Variants in SLC44A5 observed in about 807,000 individuals in gnomAD.
The protein encoded by SLC44A5 is solute carrier family 44 member 5, also known as choline transporter-like protein 5.
SLC44A5 carries 57 observed loss-of-function variants against 101.8 expected under a neutral mutation model. That is an observed-to-expected ratio of 0.56 (90% CI 0.45 to 0.70). The LOEUF is 0.70. Ranked by LOEUF, SLC44A5 falls within the 30% of genes least tolerant of loss-of-function variation. The pLI, the probability that SLC44A5 is intolerant of heterozygous loss-of-function variation, is 0.00. For synonymous variants in SLC44A5, 281 were observed against 290.9 expected (o/e 0.97, Z 0.35); for missense variants, 737 against 853.1 (o/e 0.86, Z 1.70).
At chr1:75,482,135 T>C (rs964363453) in intron 2 of SLC44A5, among the ~76,000 whole-genome samples, 6 of 151,914 alleles carry the variant, frequency 3.9e-5, no homozygotes, top group Non-Finnish European at 7.4e-5. Context: ...ATGGATGAAA[T>C]TGGAAATCAT....
intron 2 of SLC44A5, among the ~76,000 whole-genome samples, chr1:75,426,841 T>C (rs931442773): frequency 5.9e-5 from 9 of 152,192 alleles, no homozygotes; most frequent in Non-Finnish European, 1.2e-4. Flanking sequence ...GCGGCACTGA[T>C]AGCAGCAGCG....
the SLC44A5 span, among the ~76,000 whole-genome samples, chr1:75,672,840 A>G: frequency 6.6e-6 from 1 of 152,136 alleles, no homozygotes; most frequent in African/African-American, 2.4e-5. Context: ...ACATTCATAG[A>G]CATGCCCTGG....
intron 4 of SLC44A5, among the ~76,000 whole-genome samples, chr1:75,318,305 C>T (rs550288144): frequency 3.3e-5 from 5 of 151,328 alleles, no homozygotes; most frequent in Non-Finnish European, 7.4e-5. Context: ...TGAGTTGAAG[C>T]GTTCGAGGCT....
At chr1:75,403,822 G>A (rs916595399) in intron 2 of SLC44A5, among the ~76,000 whole-genome samples, 3 of 152,002 alleles carry the variant, frequency 2.0e-5, no homozygotes, top group African/African-American at 4.8e-5. Flanking sequence ...TCACCAGCAA[G>A]GGAACAAAAC....
At chr1:75,303,763 G>A (rs1557642438) in intron 4 of SLC44A5, among the ~76,000 whole-genome samples, 1 of 152,268 alleles carries the variant, frequency 6.6e-6, no homozygotes, top group East Asian at 1.9e-4. Context: ...ACCTTAAGGT[G>A]TTTGGAGATT....
At chr1:75,570,711 T>C (rs1247331909) in intron 1 of SLC44A5, among the ~76,000 whole-genome samples, 1 of 152,176 alleles carries the variant, frequency 6.6e-6, no homozygotes, top group Non-Finnish European at 1.5e-5. Context: ...CCCTGGTTTA[T>C]GGAATAGAAA....
chr1:75,683,371 G>A, the SLC44A5 span, among the ~76,000 whole-genome samples: 1 of 152,014 alleles, frequency 6.6e-6, no homozygotes, highest in Admixed American at 6.6e-5. Context: ...GTCCAACAAT[G>A]ATAGACTGGA....
intron 6 of SLC44A5, among the ~76,000 whole-genome samples, chr1:75,255,873 T>G (rs1001914015): frequency 1.3e-5 from 2 of 151,746 alleles, no homozygotes; most frequent in South Asian, 4.2e-4. Flanking sequence ...CTGAAAAGAA[T>G]TGTTTTTCAA....
At chr1:75,252,769 G>T (rs888109133) in intron 6 of SLC44A5, among the ~76,000 whole-genome samples, 2 of 152,174 alleles carry the variant, frequency 1.3e-5, no homozygotes, top group Non-Finnish European at 2.9e-5. Context: ...AAAAGTCAAT[G>T]AGGCAGAAAG....
intron 1 of SLC44A5, among the ~76,000 whole-genome samples, chr1:75,591,421 G>A (rs979064154): frequency 1.2e-4 from 19 of 152,126 alleles, no homozygotes; most frequent in Non-Finnish European, 8.8e-5. Context: ...GATCACGGTG[G>A]AGTATCTTTT....
At chr1:75,353,601 T>G (rs1658848763) in intron 3 of SLC44A5, among the ~76,000 whole-genome samples, 1 of 152,226 alleles carries the variant, frequency 6.6e-6, no homozygotes. Context: ...CTGCTACTTT[T>G]TATTCACTCT....
At chr1:75,242,763 A>T in intron 8 of SLC44A5, 123 bp downstream of exon 8, 1 of 1,166,842 alleles carries the variant, frequency 8.6e-7, no homozygotes, top group Non-Finnish European at 1.2e-6. Context: ...TGTTTCAATG[A>T]AATTGTATCT....
chr1:75,279,304 C>T (rs1436035055), intron 5 of SLC44A5, among the ~76,000 whole-genome samples: 2 of 152,132 alleles, frequency 1.3e-5, no homozygotes, highest in South Asian at 2.1e-4. Context: ...TTTCTAGATT[C>T]AAATATGTGA....
chr1:75,673,933 G>T, the SLC44A5 span, among the ~76,000 whole-genome samples: 1 of 152,100 alleles, frequency 6.6e-6, no homozygotes, highest in Non-Finnish European at 1.5e-5. Flanking sequence ...TACCTGGAAA[G>T]CCTTCTGAAG....
intron 2 of SLC44A5, among the ~76,000 whole-genome samples, chr1:75,482,454 T>C (rs1332821006): frequency 2.0e-5 from 3 of 151,984 alleles, no homozygotes; most frequent in Admixed American, 2.0e-4. Context: ...AAAAGAATTC[T>C]ACCTATTAAC....
At chr1:75,489,072 T>G (rs1011675352) in intron 2 of SLC44A5, among the ~76,000 whole-genome samples, 1 of 152,124 alleles carries the variant, frequency 6.6e-6, no homozygotes, top group Non-Finnish European at 1.5e-5. Flanking sequence ...CGTCTCAAAC[T>G]CCCAACCTCA....
At chr1:75,221,423 T>G (rs767203803) in intron 14 of SLC44A5, among the ~76,000 whole-genome samples, 9 of 152,194 alleles carry the variant, frequency 5.9e-5, no homozygotes, top group Non-Finnish European at 1.3e-4. Context: ...GGTGTTATTA[T>G]CTCTTGGCAT....
chr1:75,483,654 T>A (rs1397703732), intron 2 of SLC44A5, among the ~76,000 whole-genome samples: 3 of 152,212 alleles, frequency 2.0e-5, no homozygotes, highest in Non-Finnish European at 4.4e-5. Flanking sequence ...CAAAAAATGT[T>A]AATTATGTTA....
chr1:75,664,005 A>G, the SLC44A5 span, among the ~76,000 whole-genome samples: 8 of 152,204 alleles, frequency 5.3e-5, no homozygotes, highest in African/African-American at 1.7e-4. Flanking sequence ...GGTTCAACAT[A>G]CACAAATCAA....
Sources: allele counts gnomAD v4.1 joint callset (sites outside exome capture counted in the v4.1 genomes callset), GRCh38; gene constraint gnomAD v4.1.1; transcripts MANE v1.5; gene names NCBI Gene and HGNC (gene_info 2026-07-23, HGNC 2026-07-21).